FARP1: variants seen among roughly 807,000 people sequenced by gnomAD.
FARP1 encodes the protein FERM, ARH/RhoGEF and pleckstrin domain protein 1.
A neutral mutation model predicts 128.8 loss-of-function variants in FARP1; 52 were observed. The ratio of observed to expected loss-of-function variants is 0.40; its 90% CI spans 0.32 to 0.51. The LOEUF (loss-of-function observed/expected upper bound fraction) is 0.51, where lower values mean the gene tolerates loss of function less well. Among genes scored for constraint, FARP1 ranks in the 20% least tolerant of loss-of-function variants. The probability of loss-of-function intolerance (pLI) is 0.45; values close to 1 mark genes in which losing one functional copy is unlikely to be tolerated. For synonymous variants in FARP1, 580 were observed against 551.8 expected (o/e 1.05, Z -0.72); for missense variants, 1,333 against 1,367.9 (o/e 0.97, Z 0.40).
chr13:98,292,580 G>A (rs1227948066), intron 2 of FARP1, among the ~76,000 whole-genome samples: 1 of 152,170 alleles, frequency 6.6e-6, no homozygotes, highest in East Asian at 1.9e-4. Flanking sequence ...ATACTCAAGG[G>A]CTCATTAGCC....
intron 2 of FARP1, among the ~76,000 whole-genome samples, chr13:98,264,211 G>A (rs950478464): frequency 2.6e-5 from 4 of 152,152 alleles, no homozygotes; most frequent in African/African-American, 9.7e-5. Flanking sequence ...TGGCAGTATG[G>A]CCATACCTCC....
At position 98,393,621 on chromosome 13, in the gene FARP1, G is replaced by A. The variant is rs1438865283; in HGVS notation, c.1089-22G>A. The A allele has an allele frequency of 2.5e-6, 4 of 1,598,576 alleles. No homozygotes were observed. The South Asian group carries it at 4.4e-5, about 18-fold the overall frequency. Reference sequence around the variant, plus strand: ...AACAAAAACCTCACCTAACTTTAATGATCTTGTGTGATTTTTCCCAGGAAG... The same window carrying A: ...AACAAAAACCTCACCTAACTTTAATAATCTTGTGTGATTTTTCCCAGGAAG... On this transcript the variant is annotated intron_variant, in intron 11 of 26. Coordinates refer to ENST00000319562, the MANE Select transcript of FARP1 (RefSeq NM_005766.4).
intron 2 of FARP1, among the ~76,000 whole-genome samples, chr13:98,323,452 A>ATT (rs142162285): frequency 8.3e-5 from 12 of 144,182 alleles, no homozygotes; most frequent in South Asian, 4.5e-4. Context: ...CAGTAGAAGT[A>ATT]TTTTTTTTTT....
rs751431106 is a variant in FARP1, at chr13:98,176,568, C to T, written c.-24+33076C>T. On this transcript the variant is annotated intron_variant, in intron 1 of 26. Transcript: ENST00000319562. This position sits in a 1 kb window ranked among gnomAD's most constrained non-coding sequence, Gnocchi z 6.2. ...CTTCAAGCTCCCGTTCAATCTCCCA[C>T]CCGAGCTTGTAATCGGAACGGTCGT... 4 of 1,614,246 alleles carry T rather than the reference C, an allele frequency of 2.5e-6. No homozygotes were observed. Among genetic ancestry groups the T allele is most frequent in the Non-Finnish European group, 2.5e-6 (3 of 1,180,050 alleles).
intron 5 of FARP1, 119 bp downstream of exon 5, chr13:98,368,314 T>A: frequency 1.4e-6 from 1 of 726,460 alleles, no homozygotes; most frequent in African/African-American, 1.8e-5. Flanking sequence ...GCATCTGTTC[T>A]GTACTGAACA....
At chr13:98,205,057 T>C (rs1411841712) in intron 1 of FARP1, among the ~76,000 whole-genome samples, 1 of 152,204 alleles carries the variant, frequency 6.6e-6, no homozygotes, top group Non-Finnish European at 1.5e-5. Context: ...CATTTAAGCC[T>C]TGGATGTTGC....
At chr13:98,209,304 A>G (rs1292136398) in intron 1 of FARP1, among the ~76,000 whole-genome samples, 2 of 150,238 alleles carry the variant, frequency 1.3e-5, no homozygotes, top group South Asian at 2.1e-4. Flanking sequence ...CACCGCGCCC[A>G]GCCAACTTTC....
intron 3 of FARP1, among the ~76,000 whole-genome samples, chr13:98,350,281 G>C (rs1296787037): frequency 1.3e-5 from 2 of 152,156 alleles, no homozygotes; most frequent in Non-Finnish European, 2.9e-5. Context: ...GAGAATAACT[G>C]ATTTTGGGGC....
At chr13:98,206,357 C>T (rs1046278220) in intron 1 of FARP1, among the ~76,000 whole-genome samples, 10 of 152,204 alleles carry the variant, frequency 6.6e-5, no homozygotes, top group Non-Finnish European at 1.3e-4. Context: ...TGTATGGTTT[C>T]TCATTTCATA....
chr13:98,313,271 A>ACACT (rs923266129), intron 2 of FARP1, among the ~76,000 whole-genome samples: 1 of 148,406 alleles, frequency 6.7e-6, no homozygotes, highest in Non-Finnish European at 1.5e-5. Context: ...ACACACACAC[A>ACACT]CACTCTGGAA....
intron 3 of FARP1, among the ~76,000 whole-genome samples, chr13:98,352,007 A>G (rs1277753333): frequency 6.6e-6 from 1 of 152,222 alleles, no homozygotes; most frequent in African/African-American, 2.4e-5. Context: ...AATATGTTTC[A>G]AAATGGATAT....
At chr13:98,373,555 C>G (rs1267335835) in intron 5 of FARP1, among the ~76,000 whole-genome samples, 27 of 151,394 alleles carry the variant, frequency 1.8e-4, no homozygotes, top group African/African-American at 6.5e-4. Flanking sequence ...CACACACACA[C>G]ACACACACAC....
chr13:98,345,382 A>T (rs567581220), intron 3 of FARP1: 1 of 152,334 alleles, frequency 6.6e-6, no homozygotes, highest in African/African-American at 2.4e-5. Context: ...CTAATGGCAC[A>T]GCTAAGATTC....
chr13:98,394,343 C>T (rs557708531), intron 12 of FARP1, among the ~76,000 whole-genome samples: 1 of 152,314 alleles, frequency 6.6e-6, no homozygotes, highest in Admixed American at 6.5e-5. Context: ...AAAAAAACCC[C>T]TTTCCCCGTC....
At chr13:98,255,699 T>C (rs912103332) in intron 2 of FARP1, among the ~76,000 whole-genome samples, 2 of 152,220 alleles carry the variant, frequency 1.3e-5, no homozygotes, top group African/African-American at 4.8e-5. Context: ...ACCTAGCAGA[T>C]TTAAAAGTTA....
chr13:98,183,321 T>C (rs540118713), intron 1 of FARP1, among the ~76,000 whole-genome samples: 1 of 152,344 alleles, frequency 6.6e-6, no homozygotes, highest in African/African-American at 2.4e-5. Context: ...TATCAGTCCA[T>C]TTAAAATCTC....
At chr13:98,197,669 C>A (rs1009282592) in intron 1 of FARP1, among the ~76,000 whole-genome samples, 1 of 151,410 alleles carries the variant, frequency 6.6e-6, no homozygotes, top group African/African-American at 2.4e-5. Context: ...GAGTCTCGCT[C>A]TGTCACCCAG....
intron 3 of FARP1, among the ~76,000 whole-genome samples, chr13:98,364,526 T>C (rs1889001863): frequency 6.6e-6 from 1 of 152,240 alleles, no homozygotes. Context: ...AAAGGGCTGT[T>C]TCTCGTTTTC....
intron 21 of FARP1, among the ~76,000 whole-genome samples, chr13:98,439,650 TGGCA>T (rs1401957275): frequency 6.6e-6 from 1 of 152,198 alleles, no homozygotes; most frequent in East Asian, 1.9e-4. Context: ...CTGTCCCCCT[TGGCA>T]GGCAGGTGTA....
Sources: gnomAD v4.1 joint callset for allele counts (sites outside exome capture counted in the v4.1 genomes callset) on GRCh38, gnomAD v4.1.1 for gene constraint, Gnocchi (gnomAD v3.1) non-coding constraint, MANE v1.5 for transcripts, NCBI Gene and HGNC (gene_info 2026-07-23, HGNC 2026-07-21) for gene names.